Variants in ACTR3C observed in about 807,000 individuals in gnomAD.
ACTR3C encodes the protein actin related protein 3C.
A neutral mutation model predicts 26.3 loss-of-function variants in ACTR3C; 18 were observed. The observed-to-expected ratio is 0.68, with a 90% CI of 0.47 to 1.01. The LOEUF (loss-of-function observed/expected upper bound fraction) is 1.01. Among genes scored for constraint, ACTR3C ranks in the 50% least tolerant of loss-of-function variants. The pLI, the probability that ACTR3C is intolerant of heterozygous loss-of-function variation, is 0.00. For synonymous variants in ACTR3C, 55 were observed against 94.5 expected, an observed-to-expected ratio of 0.58 and a Z score of 2.42; for missense variants, 184 against 250.7, an observed-to-expected ratio of 0.73 and a Z score of 1.80.
the ACTR3C span, among the ~76,000 whole-genome samples, chr7:149,983,449 G>GTGGGTATATATATATATATATA: frequency 4.3e-5 from 1 of 23,324 alleles, no homozygotes; most frequent in Non-Finnish European, 8.0e-5. Flanking sequence ...GTGTGTGTGT[G>GTGGGTATATATATATATATATA]TATATATATA....
At chr7:150,034,263 C>CCCTGT in the ACTR3C span, among the ~76,000 whole-genome samples, 2 of 146,676 alleles carry the variant, frequency 1.4e-5, no homozygotes, top group African/African-American at 5.1e-5. Context: ...CAACTAAAAA[C>CCCTGT]CTAGTTGTTT....
chr7:150,231,247 C>T, the ACTR3C span, among the ~76,000 whole-genome samples: 13 of 152,118 alleles, frequency 8.5e-5, no homozygotes, highest in Admixed American at 2.6e-4. Flanking sequence ...AAATGATTGT[C>T]GCCTCAAAAT....
chr7:150,180,076 G>T, the ACTR3C span, among the ~76,000 whole-genome samples: 4 of 151,016 alleles, frequency 2.6e-5, no homozygotes, highest in Non-Finnish European at 4.4e-5. Context: ...GAGGCCGAGG[G>T]GGGTGGATCA....
At chr7:149,887,451 C>T in the ACTR3C span, among the ~76,000 whole-genome samples, 1 of 152,206 alleles carries the variant, frequency 6.6e-6, no homozygotes, top group Non-Finnish European at 1.5e-5. Context: ...TGCATCTCCC[C>T]ATGCTCTTGG....
the ACTR3C span, among the ~76,000 whole-genome samples, chr7:150,039,855 CA>C: frequency 7.9e-6 from 1 of 125,884 alleles, no homozygotes. Flanking sequence ...GTCCTAAGAG[CA>C]AAGGGGGGAA....
the ACTR3C span, among the ~76,000 whole-genome samples, chr7:149,946,508 G>A: frequency 4.3e-3 from 652 of 152,260 alleles, 2 homozygotes; most frequent in African/African-American, 0.015. Flanking sequence ...AGGTCAGCAG[G>A]TTGGCAGGCG....
chr7:150,026,901 A>C, the ACTR3C span, among the ~76,000 whole-genome samples: 2 of 152,172 alleles, frequency 1.3e-5, no homozygotes, highest in African/African-American at 4.8e-5. Context: ...AAAAATGAAC[A>C]AAAATGTCAT....
the ACTR3C span, among the ~76,000 whole-genome samples, chr7:149,902,252 C>G: frequency 0.02 from 3,088 of 151,326 alleles, 79 homozygotes; most frequent in African/African-American, 0.071. Flanking sequence ...CTTATGCAAA[C>G]TGTTCCAGAG....
chr7:149,918,622 G>A, the ACTR3C span, among the ~76,000 whole-genome samples: 2 of 152,132 alleles, frequency 1.3e-5, no homozygotes, highest in Non-Finnish European at 2.9e-5. Flanking sequence ...CCCAGGAGGC[G>A]GAGGTTGCAG....
the ACTR3C span, among the ~76,000 whole-genome samples, chr7:149,903,607 TCA>T: frequency 6.6e-6 from 1 of 151,714 alleles, no homozygotes; most frequent in East Asian, 1.9e-4. Flanking sequence ...AGTGGCGCAA[TCA>T]CAACTCACTC....
the ACTR3C span, among the ~76,000 whole-genome samples, chr7:150,175,747 G>A: frequency 6.9e-5 from 10 of 145,838 alleles, no homozygotes; most frequent in Non-Finnish European, 1.3e-4. Flanking sequence ...CCTGGGAAGC[G>A]GAGGTTGCAG....
the ACTR3C span, among the ~76,000 whole-genome samples, chr7:150,152,110 T>C: frequency 6.6e-6 from 1 of 151,916 alleles, no homozygotes; most frequent in African/African-American, 2.4e-5. Context: ...CTTCCTCTTT[T>C]CCTAATTGAA....
At chr7:150,307,204 A>G (rs1484993066) in intron 1 of ACTR3C, among the ~76,000 whole-genome samples, 2 of 152,242 alleles carry the variant, frequency 1.3e-5, no homozygotes. Context: ...GGAAATATCA[A>G]TCAAATACAT....
chr7:150,136,669 C>CATAAATAA, the ACTR3C span, among the ~76,000 whole-genome samples: 6,740 of 148,324 alleles, frequency 0.045, 356 homozygotes, highest in African/African-American at 0.13. Context: ...GACTCCATCT[C>CATAAATAA]ATAAATAAAT....
chr7:150,103,883 T>C, the ACTR3C span, among the ~76,000 whole-genome samples: 1 of 152,028 alleles, frequency 6.6e-6, no homozygotes, highest in Non-Finnish European at 1.5e-5. Context: ...CCACTCTGAA[T>C]ATCTATTTTA....
chr7:150,322,537 A>G, intron 1 of ACTR3C: 1 of 152,206 alleles, frequency 6.6e-6, no homozygotes, highest in Admixed American at 6.5e-5. Context: ...ATCATGAAAT[A>G]CTCTATATGG....
the ACTR3C span, among the ~76,000 whole-genome samples, chr7:150,140,294 G>A: frequency 6.6e-6 from 1 of 152,100 alleles, no homozygotes; most frequent in African/African-American, 2.4e-5. Flanking sequence ...TGGCTCACTT[G>A]GGGTATGGCT....
chr7:150,266,811 C>T lies in ACTR3C; in HGVS notation c.565-17757G>A, dbSNP rs532857715. Among the ~76,000 whole-genome samples the T allele has an allele frequency of 7.9e-5, 12 of 152,292 alleles. No homozygotes were observed. The South Asian group carries it at 2.5e-3, about 32-fold the overall frequency. On this transcript the variant is annotated intron_variant, in intron 6 of 7. Transcript: ENST00000683684. ...AAAATATACAAATGACCGCTAAGTACAGGAAAAGACAGTCAACAATATTTG... is the reference window on the plus strand; with the variant it reads ...AAAATATACAAATGACCGCTAAGTATAGGAAAAGACAGTCAACAATATTTG...
At chr7:149,927,005 A>G in the ACTR3C span, among the ~76,000 whole-genome samples, 1 of 152,030 alleles carries the variant, frequency 6.6e-6, no homozygotes, top group Non-Finnish European at 1.5e-5. Context: ...GCAGGGCCTC[A>G]TTAGATGCTG....
Sources: gnomAD v4.1 joint callset for allele counts (sites outside exome capture counted in the v4.1 genomes callset) on GRCh38, gnomAD v4.1.1 for gene constraint, MANE v1.5 for transcripts, NCBI Gene and HGNC (gene_info 2026-07-23, HGNC 2026-07-21) for gene names.